PC: variants seen among roughly 807,000 people sequenced by gnomAD.
PC encodes pyruvate carboxylase, mitochondrial.
PC carries 46 observed loss-of-function variants against 107.8 expected under a neutral mutation model. The ratio of observed to expected loss-of-function variants is 0.43; its 90% CI spans 0.34 to 0.55. The LOEUF is 0.55. PC is among the 20% of genes least tolerant of loss of function. PC has a pLI of 0.04. For missense variants in PC, 1,241 were observed against 1,643.1 expected (o/e 0.76, Z 4.23); for synonymous variants, 662 against 684.7 (o/e 0.97, Z 0.52).
At chr11:66,878,659 A>G (rs1371609401) in intron 3 of PC, among the ~76,000 whole-genome samples, 1 of 152,194 alleles carries the variant, frequency 6.6e-6, no homozygotes, top group Non-Finnish European at 1.5e-5. Flanking sequence ...CGGGGGGCAC[A>G]GGAATGCCTC....
chr11:66,900,180 T>TTG (rs1555037733), intron 3 of PC, among the ~76,000 whole-genome samples: 2 of 142,922 alleles, frequency 1.4e-5, no homozygotes, highest in African/African-American at 5.2e-5. Context: ...CCAACGTTGT[T>TTG]TTTTTTTTTT....
chr11:66,955,780 T>C (rs562562398), intron 1 of PC, among the ~76,000 whole-genome samples: 2 of 151,764 alleles, frequency 1.3e-5, no homozygotes, highest in Non-Finnish European at 2.9e-5. Flanking sequence ...CTTTTTTTTT[T>C]CTTTTTTTTT....
At chr11:66,890,395 T>C (rs913811145) in intron 3 of PC, among the ~76,000 whole-genome samples, 1 of 50,248 alleles carries the variant, frequency 2.0e-5, no homozygotes, top group African/African-American at 1.6e-4. Context: ...TTGTTTCCCA[T>C]TTTTTTTTTT....
intron 3 of PC, among the ~76,000 whole-genome samples, chr11:66,890,301 G>C (rs1947520391): frequency 2.6e-5 from 4 of 152,068 alleles, no homozygotes; most frequent in Admixed American, 2.6e-4. Context: ...CTGGTCTTTA[G>C]GACTGTGAGA....
intron 3 of PC, among the ~76,000 whole-genome samples, chr11:66,929,696 A>G (rs528954226): frequency 6.6e-6 from 1 of 151,964 alleles, no homozygotes; most frequent in East Asian, 1.9e-4. Flanking sequence ...ATTTTTTTGA[A>G]ACAGAGATGG....
At chr11:66,910,378 C>G (rs888075429) in intron 3 of PC, among the ~76,000 whole-genome samples, 26 of 152,192 alleles carry the variant, frequency 1.7e-4, no homozygotes, top group Non-Finnish European at 4.4e-5. Flanking sequence ...TTCTAATGGC[C>G]TTGGTCCCCC....
intron 12 of PC, among the ~76,000 whole-genome samples, chr11:66,862,160 T>C (rs746003457): frequency 2.4e-4 from 36 of 152,062 alleles, no homozygotes; most frequent in Non-Finnish European, 4.7e-4. Context: ...CGCAGCAAGG[T>C]GCAGGGGGAG....
intron 3 of PC, among the ~76,000 whole-genome samples, chr11:66,890,373 G>T (rs1392507959): frequency 6.7e-6 from 1 of 149,480 alleles, no homozygotes; most frequent in East Asian, 2.0e-4. Context: ...GACTAAGGCA[G>T]TGACAAATAG....
chr11:66,851,955 G>A lies in PC; in HGVS notation c.1826-9C>T, dbSNP rs572703070. The A allele has an allele frequency of 6.2e-7, 1 of 1,613,498 alleles. No homozygotes were observed. Among genetic ancestry groups the A allele is most frequent in the East Asian group, 2.2e-5 (1 of 44,880 alleles). On this transcript the variant is annotated splice_polypyrimidine_tract_variant and intron_variant, in intron 15 of 22. Transcript: ENST00000393960. ...GACGTCAAACGTGGCTCCTGCACAG[G>A]AACCGAGAGGCCCAGATCAGCTCTG...
chr11:66,956,136 C>T (rs958478866), intron 1 of PC, among the ~76,000 whole-genome samples: 6 of 152,164 alleles, frequency 3.9e-5, no homozygotes, highest in African/African-American at 1.4e-4. Context: ...TTACCTGCAC[C>T]TTAGCAAATC....
intron 12 of PC, among the ~76,000 whole-genome samples, chr11:66,863,481 G>A (rs1001170009): frequency 2.0e-5 from 3 of 152,188 alleles, no homozygotes; most frequent in African/African-American, 4.8e-5. Flanking sequence ...CCAGAGGGGC[G>A]GGACACAGCG....
At chr11:66,894,589 G>C (rs1190602174) in intron 3 of PC, among the ~76,000 whole-genome samples, 1 of 152,214 alleles carries the variant, frequency 6.6e-6, no homozygotes, top group Non-Finnish European at 1.5e-5. Flanking sequence ...CCTGGGTCTG[G>C]AGCAGGCTGA....
Position 66,875,888 on chromosome 11 carries a change from C to T in PC, c.1-3729G>A, listed in dbSNP as rs574207651. On this transcript the variant is annotated intron_variant, in intron 3 of 22. Coordinates refer to ENST00000393960, the MANE Select transcript of PC (RefSeq NM_001040716.2). Reference sequence around the variant, plus strand: ...AGATGAAGGTTAATATCACTAGCACCGAAGGGATACCACACACCTCCTGAT... The same window carrying T: ...AGATGAAGGTTAATATCACTAGCACTGAAGGGATACCACACACCTCCTGAT... 7.2e-5 allele frequency among the ~76,000 whole-genome samples: 11 copies of T among 152,230 alleles called. No individual in the cohort carries two copies. In the South Asian group the frequency reaches 2.3e-3, roughly 32 times the overall value.
intron 3 of PC, among the ~76,000 whole-genome samples, chr11:66,916,104 C>T (rs1189443222): frequency 1.3e-5 from 2 of 152,218 alleles, no homozygotes; most frequent in Non-Finnish European, 2.9e-5. Flanking sequence ...AACAAATGCG[C>T]TCTGTGCAGG....
Position 66,852,899 on chromosome 11 carries a change from TGA to T in PC, c.1514-65_1514-64del, listed in dbSNP as rs1344991978. On this transcript the variant is annotated intron_variant, in intron 13 of 22. Coordinates refer to ENST00000393960, the MANE Select transcript of PC (RefSeq NM_001040716.2). The surrounding 1 kb of genome is among the most constrained non-coding windows in gnomAD (Gnocchi z 4.7). ...GCAGAGGCTGAGTCGAGGGCAGCAG[TGA>T]GAGTGGCTGGGCTCAGGGACAGGGA... 8.9e-6 allele frequency: 11 copies of T among 1,229,464 alleles called. No individual in the cohort carries two copies. The highest frequency in any genetic ancestry group is 1.5e-5 in the African/African-American group (1 of 66,434). The allele number at this position is 1,229,464 out of a possible 1,614,324, so 76.2% of individuals were successfully genotyped here.
chr11:66,851,101 T>C lies in PC; in HGVS notation c.2162A>G (p.Gln721Arg). 5.0e-6 allele frequency: 8 copies of C among 1,613,372 alleles called. No individual in the cohort carries two copies. Among genetic ancestry groups the C allele is most frequent in the Non-Finnish European group, 5.1e-6 (6 of 1,180,006 alleles). Residue 721 changes from glutamine (Q) to arginine (R), a missense_variant, in exon 17 of 23, where the codon CAG becomes CGG. Around this residue, in one of 2 missense-constraint regions of PC, gnomAD observed 1,143 missense variants for 1,551.9 expected, o/e 0.74. Transcript: ENST00000393960. ...CTCTTCGGCCAAGCCCATGTAGTAC[T>C]GCAGTGAGTACTTGGTGCGGCTGGG... Reference protein sequence around the residue: ...ADPSRTKYSLQYYMGLAEELV... With the variant: ...ADPSRTKYSLRYYMGLAEELV...
At chr11:66,938,677 C>T (rs1364145799) in intron 3 of PC, among the ~76,000 whole-genome samples, 1 of 151,946 alleles carries the variant, frequency 6.6e-6, no homozygotes, top group Non-Finnish European at 1.5e-5. Flanking sequence ...TCCAAAATAA[C>T]AAAAAATGAG....
At chr11:66,900,758 A>G (rs1947925160) in intron 3 of PC, among the ~76,000 whole-genome samples, 1 of 152,084 alleles carries the variant, frequency 6.6e-6, no homozygotes, top group East Asian at 1.9e-4. Context: ...TTTTGATGCT[A>G]TCTTAAATGG....
At chr11:66,896,140 C>T (rs1409880953) in intron 3 of PC, among the ~76,000 whole-genome samples, 1 of 151,970 alleles carries the variant, frequency 6.6e-6, no homozygotes, top group Non-Finnish European at 1.5e-5. Context: ...AGTGCAGTGG[C>T]ACAATCTCAG....
Sources: gnomAD v4.1 joint callset for allele counts (sites outside exome capture counted in the v4.1 genomes callset) on GRCh38, gnomAD v4.1.1 for gene constraint, gnomAD v4.1.1 regional missense constraint, Gnocchi (gnomAD v3.1) non-coding constraint, MANE v1.5 for transcripts, NCBI Gene and HGNC (gene_info 2026-07-23, HGNC 2026-07-21) for gene names.